The following FAM171A1 variants were observed in gnomAD, a reference collection of about 807,000 sequenced individuals.
The protein encoded by FAM171A1 is family with sequence similarity 171 member A1.
In FAM171A1, 23 loss-of-function variants were observed where a neutral mutation model predicts 74.9. The observed-to-expected ratio is 0.31, with a 90% confidence interval of 0.22 to 0.44. The LOEUF is 0.44. Ranked by LOEUF, FAM171A1 falls within the 20% of genes least tolerant of loss-of-function variation. The probability of loss-of-function intolerance (pLI) is 1.00; values close to 1 mark genes in which losing one functional copy is unlikely to be tolerated. For synonymous variants in FAM171A1, 527 were observed against 505.7 expected, an observed-to-expected ratio of 1.04 and a Z score of -0.57; for missense variants, 1,162 against 1,159.2, an observed-to-expected ratio of 1.00 and a Z score of -0.03.
At chr10:15,310,781 A>T (rs1056515791) in intron 1 of FAM171A1, among the ~76,000 whole-genome samples, 28 of 152,022 alleles carry the variant, frequency 1.8e-4, no homozygotes, top group African/African-American at 5.8e-4. Flanking sequence ...GAACCGTTTG[A>T]ACCAGGAAGG....
At chr10:15,306,772 C>T in intron 1 of FAM171A1, among the ~76,000 whole-genome samples, 1 of 152,354 alleles carries the variant, frequency 6.6e-6, no homozygotes, top group South Asian at 2.1e-4. Context: ...AAAGCCACAT[C>T]TTAAGTACAA....
intron 6 of FAM171A1, among the ~76,000 whole-genome samples, chr10:15,217,179 T>C (rs1355691821): frequency 6.6e-6 from 1 of 152,252 alleles, no homozygotes; most frequent in Non-Finnish European, 1.5e-5. Context: ...TCACATTTTA[T>C]GTTCCGTAGT....
At chr10:15,220,509 A>G (rs6602826) in intron 6 of FAM171A1, among the ~76,000 whole-genome samples, 76,769 of 152,108 alleles carry the variant, frequency 0.5, 21,264 homozygotes, top group African/African-American at 0.74. Flanking sequence ...CAACTGGTTT[A>G]CGTTTAAGCC....
At chr10:15,298,293 C>A (rs1835184593) in intron 1 of FAM171A1, among the ~76,000 whole-genome samples, 1 of 152,138 alleles carries the variant, frequency 6.6e-6, no homozygotes, top group Non-Finnish European at 1.5e-5. Context: ...TGCCACCACA[C>A]CCGGCTAATT....
intron 2 of FAM171A1, among the ~76,000 whole-genome samples, chr10:15,278,610 G>C (rs2138927): frequency 0.31 from 46,901 of 152,128 alleles, 8,899 homozygotes; most frequent in East Asian, 0.59. Flanking sequence ...CAACGTGGAT[G>C]AATCTTGGAA....
intron 1 of FAM171A1, among the ~76,000 whole-genome samples, chr10:15,310,413 G>C (rs777171018): frequency 6.6e-6 from 1 of 152,172 alleles, no homozygotes; most frequent in Non-Finnish European, 1.5e-5. Context: ...GCAGAGCTGA[G>C]ATGCAAACTG....
At chr10:15,323,427 T>C (rs1835511171) in intron 1 of FAM171A1, among the ~76,000 whole-genome samples, 1 of 152,154 alleles carries the variant, frequency 6.6e-6, no homozygotes, top group Non-Finnish European at 1.5e-5. Context: ...CACTCCAGCC[T>C]GGGCGACAAG....
intron 6 of FAM171A1, among the ~76,000 whole-genome samples, chr10:15,218,088 G>T (rs1564613232): frequency 6.6e-6 from 1 of 151,930 alleles, no homozygotes; most frequent in Non-Finnish European, 1.5e-5. Flanking sequence ...GTTTTGTTTT[G>T]TTTTGTTTTG....
At chr10:15,320,316 C>T (rs1835471828) in intron 1 of FAM171A1, among the ~76,000 whole-genome samples, 1 of 152,216 alleles carries the variant, frequency 6.6e-6, no homozygotes, top group Admixed American at 6.5e-5. Flanking sequence ...TTTTTAACGG[C>T]TGCATAGTAT....
At chr10:15,286,999 A>T (rs1835043311) in intron 1 of FAM171A1, among the ~76,000 whole-genome samples, 2 of 152,212 alleles carry the variant, frequency 1.3e-5, no homozygotes, top group Admixed American at 1.3e-4. Flanking sequence ...AGCATCATGA[A>T]AATCAAGGAT....
At position 15,242,935 on chromosome 10, in the gene FAM171A1, C is replaced by T. The variant is rs369049109; in HGVS notation, c.754+5704G>A. Among the ~76,000 whole-genome samples, 12 of 152,320 alleles carry T rather than the reference C, an allele frequency of 7.9e-5. No individual in the cohort carries two copies. In the East Asian group the frequency reaches 1.9e-3, roughly 24 times the overall value. ...AACAATGCACACACCTCTGTTTTCACCAATTTCTGTATTGTATTCATTTCC... is the reference window on the plus strand; with the variant it reads ...AACAATGCACACACCTCTGTTTTCATCAATTTCTGTATTGTATTCATTTCC... On this transcript the variant is annotated intron_variant, in intron 5 of 7. Coordinates refer to ENST00000378116, the MANE Select transcript of FAM171A1 (RefSeq NM_001010924.2).
chr10:15,274,373 A>G (rs764120310), intron 3 of FAM171A1, among the ~76,000 whole-genome samples: 5 of 152,244 alleles, frequency 3.3e-5, no homozygotes, highest in Non-Finnish European at 4.4e-5. Context: ...CCACTGCTCA[A>G]CGAAATAAAA....
At chr10:15,247,117 T>G (rs1834444611) in intron 5 of FAM171A1, among the ~76,000 whole-genome samples, 2 of 152,208 alleles carry the variant, frequency 1.3e-5, no homozygotes, top group Admixed American at 6.5e-5. Context: ...AATAGTAACA[T>G]TTTTTTCTAA....
upstream of FAM171A1, among the ~76,000 whole-genome samples, chr10:15,371,596 A>T (rs1228033107): frequency 6.6e-6 from 1 of 152,168 alleles, no homozygotes; most frequent in African/African-American, 2.4e-5. Context: ...GTGTCCCCCA[A>T]CGTAGATTTC....
At chr10:15,234,777 C>T (rs141369268) in intron 5 of FAM171A1, among the ~76,000 whole-genome samples, 3,449 of 152,034 alleles carry the variant, frequency 0.023, 56 homozygotes, top group Admixed American at 0.031. Context: ...CTCTGCCTCC[C>T]GAGTAGCTGG....
At chr10:15,281,466 G>T (rs994780413) in intron 2 of FAM171A1, among the ~76,000 whole-genome samples, 8 of 152,214 alleles carry the variant, frequency 5.3e-5, no homozygotes, top group African/African-American at 1.9e-4. Flanking sequence ...CGATATGTGT[G>T]GGGCCAGCCA....
At chr10:15,243,816 A>G (rs61844222) in intron 5 of FAM171A1, among the ~76,000 whole-genome samples, 104,533 of 151,756 alleles carry the variant, frequency 0.69, 36,305 homozygotes, top group South Asian at 0.84. Context: ...TTGACTGAGC[A>G]GCTCACCGCA....
chr10:15,225,245 G>C (rs1834089785), intron 5 of FAM171A1, among the ~76,000 whole-genome samples: 1 of 152,204 alleles, frequency 6.6e-6, no homozygotes, highest in African/African-American at 2.4e-5. Context: ...TTCAGAATGA[G>C]TGGAAGCTAC....
chr10:15,281,021 G>C (rs1041179386), intron 2 of FAM171A1, among the ~76,000 whole-genome samples: 2 of 152,180 alleles, frequency 1.3e-5, no homozygotes, highest in African/African-American at 2.4e-5. Flanking sequence ...CACGGGGGCA[G>C]TTTCTCATGA....
Sources: allele counts gnomAD v4.1 joint callset (sites outside exome capture counted in the v4.1 genomes callset), GRCh38; gene constraint gnomAD v4.1.1; transcripts MANE v1.5; gene names NCBI Gene and HGNC (gene_info 2026-07-23, HGNC 2026-07-21).